INTS9: variants seen among roughly 807,000 people sequenced by gnomAD.
INTS9 encodes protein related to CPSF subunits of 74 kDa.
In INTS9, 55 loss-of-function variants were observed where a neutral mutation model predicts 79.7. The ratio of observed to expected loss-of-function variants is 0.69; its 90% CI spans 0.56 to 0.86. The LOEUF (loss-of-function observed/expected upper bound fraction) is 0.86. Ranked by LOEUF, INTS9 falls within the 40% of genes least tolerant of loss-of-function variation. The probability of loss-of-function intolerance (pLI) is 0.00; values close to 1 mark genes in which losing one functional copy is unlikely to be tolerated. For synonymous variants in INTS9, 319 were observed against 325.2 expected (o/e 0.98, Z 0.20); for missense variants, 721 against 831.5 (o/e 0.87, Z 1.64).
chr8:28,832,935 C>G (rs561808022), intron 6 of INTS9, among the ~76,000 whole-genome samples: 2 of 152,008 alleles, frequency 1.3e-5, no homozygotes, highest in Admixed American at 1.3e-4. Flanking sequence ...TGCACTCCAG[C>G]CTGGGAGACA....
intron 2 of INTS9, among the ~76,000 whole-genome samples, chr8:28,858,433 A>G (rs1808288570): frequency 6.6e-6 from 1 of 152,248 alleles, no homozygotes; most frequent in African/African-American, 2.4e-5. Flanking sequence ...CCATTTTATT[A>G]GGAAATAACC....
At chr8:28,839,749 T>C (rs1447049389) in intron 4 of INTS9, among the ~76,000 whole-genome samples, 1 of 152,146 alleles carries the variant, frequency 6.6e-6, no homozygotes, top group Non-Finnish European at 1.5e-5. Flanking sequence ...TGTAGAAAGC[T>C]GAAACTGGAT....
chr8:28,841,803 G>T (rs977016778), intron 4 of INTS9, among the ~76,000 whole-genome samples: 1 of 152,076 alleles, frequency 6.6e-6, no homozygotes, highest in African/African-American at 2.4e-5. Context: ...AAATGATAAG[G>T]AGCCAGATGT....
Position 28,816,355 on chromosome 8 carries a change from AT to A in INTS9, c.489-2744del, listed in dbSNP as rs777372531. ...GTGTGATGTTCCCCTTCCTGTGTCCATATGTTCTCATTGTTCAATTCCCACC... is the reference window on the plus strand; with the variant it reads ...GTGTGATGTTCCCCTTCCTGTGTCCAATGTTCTCATTGTTCAATTCCCACC... On this transcript the variant is annotated intron_variant, in intron 6 of 16. Transcript: ENST00000521022. Among the ~76,000 whole-genome samples, 210 of 128,182 alleles carry A rather than the reference AT, an allele frequency of 1.6e-3. 1 individual carries two copies. The highest frequency in any genetic ancestry group is 2.8e-3 in the Non-Finnish European group (185 of 64,958). The allele number at this position is 128,182 out of a possible 152,430, so 84.1% of individuals were successfully genotyped here.
At chr8:28,769,672 C>A in intron 16 of INTS9, 1 of 573,964 alleles carries the variant, frequency 1.7e-6, no homozygotes, top group Non-Finnish European at 3.0e-6. Context: ...GAGAGGCCTT[C>A]TGGTGACCTC....
intron 3 of INTS9, among the ~76,000 whole-genome samples, chr8:28,847,525 C>G (rs1377702048): frequency 6.6e-6 from 1 of 152,134 alleles, no homozygotes; most frequent in Non-Finnish European, 1.5e-5. Flanking sequence ...CCACCAAAAC[C>G]ACCACTGCCA....
chr8:28,865,078 CATA>C (rs1452346844), intron 1 of INTS9, among the ~76,000 whole-genome samples: 6 of 149,796 alleles, frequency 4.0e-5, no homozygotes, highest in African/African-American at 1.5e-4. Flanking sequence ...AACAAAAAAT[CATA>C]ATAACTAAAA....
chr8:28,872,223 T>A (rs959988407), intron 1 of INTS9, among the ~76,000 whole-genome samples: 36 of 152,274 alleles, frequency 2.4e-4, no homozygotes, highest in African/African-American at 7.9e-4. Context: ...GAATTTACAA[T>A]AAACAAATAC....
intron 6 of INTS9, among the ~76,000 whole-genome samples, chr8:28,825,033 C>A (rs10102987): frequency 0.87 from 132,869 of 152,178 alleles, 58,063 homozygotes; most frequent in East Asian, 0.94. Flanking sequence ...GTGGACTCCA[C>A]CCCAGGGTGA....
chr8:28,816,341 C>T (rs1369438974), intron 6 of INTS9, among the ~76,000 whole-genome samples: 1 of 135,904 alleles, frequency 7.4e-6, no homozygotes, highest in Admixed American at 8.4e-5. Context: ...TGTGATGTTC[C>T]CCTTCCTGTG....
chr8:28,816,313 C>G (rs1313661140), intron 6 of INTS9, among the ~76,000 whole-genome samples: 1 of 121,980 alleles, frequency 8.2e-6, no homozygotes, highest in African/African-American at 3.1e-5. Flanking sequence ...CTCCCCCCAC[C>G]CACAACAGTC....
At chr8:28,853,052 G>C (rs761396740) in intron 2 of INTS9, among the ~76,000 whole-genome samples, 1 of 152,030 alleles carries the variant, frequency 6.6e-6, no homozygotes, top group African/African-American at 2.4e-5. Flanking sequence ...TTATTTTTTT[G>C]TTTTTAATGA....
At chr8:28,806,902 T>G (rs949849972) in intron 8 of INTS9, among the ~76,000 whole-genome samples, 1 of 151,980 alleles carries the variant, frequency 6.6e-6, no homozygotes, top group Admixed American at 6.6e-5. Flanking sequence ...TTAAATACAT[T>G]TATCGAAAAG....
intron 4 of INTS9, among the ~76,000 whole-genome samples, chr8:28,839,594 T>C (rs1393124956): frequency 1.3e-5 from 2 of 152,204 alleles, no homozygotes; most frequent in East Asian, 1.9e-4. Flanking sequence ...AAAACAGAGA[T>C]ATAGATCAAT....
intron 4 of INTS9, among the ~76,000 whole-genome samples, chr8:28,838,748 C>T (rs975922912): frequency 2.0e-5 from 3 of 152,060 alleles, no homozygotes; most frequent in Non-Finnish European, 2.9e-5. Flanking sequence ...CTCAAACTCC[C>T]GGCCTCAAGT....
intron 12 of INTS9, chr8:28,780,515 C>T (rs241197): frequency 1.0e-6 from 1 of 984,910 alleles, no homozygotes; most frequent in African/African-American, 1.7e-5. Context: ...GGTAAAACAA[C>T]ACCGTTACTG....
intron 8 of INTS9, among the ~76,000 whole-genome samples, chr8:28,802,165 AAATT>A (rs1804562818): frequency 6.6e-6 from 1 of 152,198 alleles, no homozygotes; most frequent in African/African-American, 2.4e-5. Context: ...TTTCTTAAAC[AAATT>A]ATTTCCAAAA....
chr8:28,819,446 C>T (rs1805694688), intron 6 of INTS9, among the ~76,000 whole-genome samples: 1 of 152,136 alleles, frequency 6.6e-6, no homozygotes, highest in Non-Finnish European at 1.5e-5. Flanking sequence ...GTTCAGTTTC[C>T]ATGTAGTTGA....
At chr8:28,773,867 C>T (rs561419481) in intron 14 of INTS9, among the ~76,000 whole-genome samples, 3 of 152,142 alleles carry the variant, frequency 2.0e-5, no homozygotes, top group East Asian at 1.9e-4. Flanking sequence ...CTGTCATCCA[C>T]GTAGGAGTGC....
Sources: allele counts gnomAD v4.1 joint callset (sites outside exome capture counted in the v4.1 genomes callset), GRCh38; gene constraint gnomAD v4.1.1; transcripts MANE v1.5; gene names NCBI Gene and HGNC (gene_info 2026-07-23, HGNC 2026-07-21).